GAREM1: variants seen among roughly 807,000 people sequenced by gnomAD.
GAREM1 encodes GRB2-associated and regulator of MAPK protein 1.
GAREM1 carries 26 observed loss-of-function variants against 71.3 expected under a neutral mutation model. The ratio of observed to expected loss-of-function variants is 0.36; its 90% CI spans 0.27 to 0.51. The LOEUF (loss-of-function observed/expected upper bound fraction) is 0.51. Among genes scored for constraint, GAREM1 ranks in the 20% least tolerant of loss-of-function variants. The pLI, the probability that GAREM1 is intolerant of heterozygous loss-of-function variation, is 0.95. For synonymous variants in GAREM1, 440 were observed against 433.2 expected, an observed-to-expected ratio of 1.02 and a Z score of -0.20; for missense variants, 1,026 against 1,103.1, an observed-to-expected ratio of 0.93 and a Z score of 0.99.
At position 32,393,007 on chromosome 18, in the gene GAREM1, A is replaced by G. The variant is rs2048217438; in HGVS notation, c.150T>C (p.Asn50=). 6.2e-7 allele frequency: 1 copy of G among 1,613,502 alleles called. No homozygotes were observed. Among genetic ancestry groups the G allele is most frequent in the East Asian group, 2.2e-5 (1 of 44,852 alleles). The change falls in exon 2 of 6, where the codon AAT becomes AAC. Residue 50 remains asparagine (N), a synonymous_variant. Coordinates refer to ENST00000269209, the MANE Select transcript of GAREM1 (RefSeq NM_001242409.2). ...GGCAGGAATGAATCAGCAGATAGTC[A>G]TTTTCCCGCAGCCCTTCTACGCACT... ...NGECVEGLRE[N]DYLLIHSCRQ... is the part of the protein sequence containing the mutation.
In GAREM1 at chr18:32,448,688, A is replaced by G. The variant is rs537886014; in HGVS notation, c.121+21620T>C. On this transcript the variant is annotated intron_variant, in intron 1 of 5. Transcript: ENST00000269209. ...AAATATCATATGTATGTATTTATGT[A>G]CCTTTGAGGACAATTTGGGAACAAG... 1.3e-3 allele frequency among the ~76,000 whole-genome samples: 195 copies of G among 152,312 alleles called. 1 individual carries two copies. Among genetic ancestry groups the G allele is most frequent in the African/African-American group, 4.5e-3 (187 of 41,576 alleles).
At chr18:32,425,316 C>T (rs2048564081) in intron 1 of GAREM1, among the ~76,000 whole-genome samples, 1 of 152,162 alleles carries the variant, frequency 6.6e-6, no homozygotes. Context: ...CCATTAACTA[C>T]TGTGAAGATT....
At chr18:32,371,491 C>A (rs1870849000) in intron 2 of GAREM1, among the ~76,000 whole-genome samples, 3 of 152,134 alleles carry the variant, frequency 2.0e-5, no homozygotes. Context: ...ATTTGATATG[C>A]AGAGAAGATA....
chr18:32,455,205 G>T (rs1568018001), intron 1 of GAREM1, among the ~76,000 whole-genome samples: 1 of 151,622 alleles, frequency 6.6e-6, no homozygotes, highest in African/African-American at 2.4e-5. Flanking sequence ...GCCCTACATT[G>T]TTTTTTTTCT....
At chr18:32,448,105 G>A (rs1013381489) in intron 1 of GAREM1, among the ~76,000 whole-genome samples, 1 of 152,058 alleles carries the variant, frequency 6.6e-6, no homozygotes, top group African/African-American at 2.4e-5. Flanking sequence ...GATCTCTCTT[G>A]CCCCATTGTC....
At chr18:32,362,803 T>C (rs2047878769) in intron 2 of GAREM1, among the ~76,000 whole-genome samples, 1 of 152,218 alleles carries the variant, frequency 6.6e-6, no homozygotes. Context: ...TTATCAGCCA[T>C]GTTTGCATTT....
chr18:32,265,150 A>G lies in GAREM1; in HGVS notation c.*2721T>C, dbSNP rs925943053. The G allele has an allele frequency of 2.6e-5, 4 of 152,348 alleles. No individual in the cohort carries two copies. Among genetic ancestry groups the G allele is most frequent in the East Asian group, 1.9e-4 (1 of 5,180 alleles). The allele number at this position is 152,348 out of a possible 1,614,324, so 9.4% of individuals were successfully genotyped here. A position where few individuals can be genotyped will look rare whatever the true frequency, so the allele number is the denominator to read the frequency against. On this transcript the variant is annotated 3_prime_UTR_variant, in exon 6 of 6. Transcript: ENST00000269209. ...AATGCTCTGTCCAGTCAGGACACCA[A>G]GGTCCTTCACAGACAGGTGCTCAGC...
rs937338855 is a variant in GAREM1, at chr18:32,265,158, C to T, written c.*2713G>A. The stretch of plus-strand genomic sequence containing the variant: ...GTCCAGTCAGGACACCAAGGTCCTT[C>T]ACAGACAGGTGCTCAGCTTAGGAAT... On this transcript the variant is annotated 3_prime_UTR_variant, in exon 6 of 6. Coordinates refer to ENST00000269209, the MANE Select transcript of GAREM1 (RefSeq NM_001242409.2). 3 of 152,230 alleles carry T rather than the reference C, an allele frequency of 2.0e-5. No homozygotes were observed. Among genetic ancestry groups the T allele is most frequent in the Non-Finnish European group, 4.4e-5 (3 of 68,070 alleles). The allele number at this position is 152,230 out of a possible 1,614,324, so 9.4% of individuals were successfully genotyped here.
At chr18:32,396,762 T>G (rs1170191776) in intron 1 of GAREM1, among the ~76,000 whole-genome samples, 1 of 151,966 alleles carries the variant, frequency 6.6e-6, no homozygotes, top group Non-Finnish European at 1.5e-5. Context: ...ACTTCCCCAA[T>G]CTAGCAAGGC....
Position 32,287,540 on chromosome 18 carries a change from C to T in GAREM1, c.1057G>A (p.Glu353Lys), listed in dbSNP as rs2047036528. 2 of 1,614,202 alleles carry T rather than the reference C, an allele frequency of 1.2e-6. No individual in the cohort carries two copies. Among genetic ancestry groups the T allele is most frequent in the Non-Finnish European group, 1.7e-6 (2 of 1,180,044 alleles). Residue 353 changes from glutamate (E) to lysine (K), a missense_variant, in exon 4 of 6, where the codon GAA (glutamate) becomes AAA (lysine). Glu to Lys is a moderately conservative substitution (Grantham distance 56). This residue lies in a region of GAREM1 where 218 missense variants were observed against 296.8 expected (regional missense o/e 0.73). Coordinates refer to ENST00000269209, the MANE Select transcript of GAREM1 (RefSeq NM_001242409.2). The surrounding 1 kb of genome is among the most constrained non-coding windows in gnomAD (Gnocchi z 5.9). The part of the protein sequence containing the change: ...VRDVKTDWNE[E>K]CKSPKKGRCS... ...CGACCCTTCTTGGGGCTCTTGCATT[C>T]TTCATTCCAGTCGGTTTTCACATCA... is the stretch of plus-strand genomic sequence containing the variant.
At chr18:32,336,323 G>A (rs1311525717) in intron 2 of GAREM1, among the ~76,000 whole-genome samples, 2 of 151,934 alleles carry the variant, frequency 1.3e-5, no homozygotes, top group African/African-American at 2.4e-5. Flanking sequence ...CCAGCTACTC[G>A]GGATGCTGAG....
chr18:32,404,794 G>C (rs2048350515), intron 1 of GAREM1, among the ~76,000 whole-genome samples: 1 of 152,106 alleles, frequency 6.6e-6, no homozygotes, highest in Non-Finnish European at 1.5e-5. Context: ...CTTGTCTATA[G>C]TGGACATTTA....
rs527671186 is a variant in GAREM1 at position 32,378,510 on chromosome 18, A to C, written c.262+14385T>G. ...GTCAGACTGTCTCCGAAAAAAAAAA[A>C]AAAAACAAAAAGCAACTGCTCTTTC... On this transcript the variant is annotated intron_variant, in intron 2 of 5. Coordinates refer to ENST00000269209, the MANE Select transcript of GAREM1 (RefSeq NM_001242409.2). Among the ~76,000 whole-genome samples the C allele has an allele frequency of 3.1e-3, 469 of 151,918 alleles. 5 individuals are homozygous for C. Among genetic ancestry groups the C allele is most frequent in the South Asian group, 0.028 (133 of 4,810 alleles).
intron 2 of GAREM1, among the ~76,000 whole-genome samples, chr18:32,373,925 T>C (rs1054515881): frequency 6.6e-6 from 1 of 152,178 alleles, no homozygotes; most frequent in Admixed American, 6.5e-5. Context: ...CATGCCAACA[T>C]AGTGTTCATT....
chr18:32,304,178 G>A (rs2047226663), intron 3 of GAREM1, among the ~76,000 whole-genome samples: 2 of 151,722 alleles, frequency 1.3e-5, no homozygotes. Flanking sequence ...ATGGTGGTGC[G>A]TGCCTATAGT....
At chr18:32,268,831 G>C in intron 5 of GAREM1, 63 bp from the exon 6 acceptor site, 1 of 1,391,956 alleles carries the variant, frequency 7.2e-7, no homozygotes, top group East Asian at 2.3e-5. Context: ...CAAGGCTTTT[G>C]TTATTTATAG....
chr18:32,364,741 C>A (rs2047911938), intron 2 of GAREM1, among the ~76,000 whole-genome samples: 1 of 152,088 alleles, frequency 6.6e-6, no homozygotes, highest in East Asian at 1.9e-4. Flanking sequence ...CAGAAAAATT[C>A]TTTATGAACA....
intron 1 of GAREM1, among the ~76,000 whole-genome samples, chr18:32,438,457 T>C (rs1395768785): frequency 6.6e-6 from 1 of 152,214 alleles, no homozygotes; most frequent in East Asian, 1.9e-4. Context: ...GAACCCACTG[T>C]CAAACTGACT....
intron 2 of GAREM1, among the ~76,000 whole-genome samples, chr18:32,336,595 T>C (rs1294789095): frequency 6.6e-6 from 1 of 152,162 alleles, no homozygotes; most frequent in African/African-American, 2.4e-5. Context: ...AAAATGTAAA[T>C]ACAGGGATTT....
Sources: gnomAD v4.1 joint callset for allele counts (sites outside exome capture counted in the v4.1 genomes callset) on GRCh38, gnomAD v4.1.1 for gene constraint, gnomAD v4.1.1 regional missense constraint, Gnocchi (gnomAD v3.1) non-coding constraint, MANE v1.5 for transcripts, NCBI Gene and HGNC (gene_info 2026-07-23, HGNC 2026-07-21) for gene names.